The following SGCD variants were observed in gnomAD, a reference collection of about 807,000 sequenced individuals.
The protein encoded by SGCD is delta-sarcoglycan.
Under a neutral mutation model 36.6 loss-of-function variants are expected in SGCD, and 18 were observed. That is an observed-to-expected ratio of 0.49 (90% CI 0.34 to 0.73). SGCD has a LOEUF of 0.73. SGCD is among the 30% of genes least tolerant of loss of function. The probability of loss-of-function intolerance (pLI) is 0.01; values close to 1 mark genes in which losing one functional copy is unlikely to be tolerated. For synonymous variants in SGCD, 133 were observed against 130.6 expected, an observed-to-expected ratio of 1.02 and a Z score of -0.12; for missense variants, 387 against 346.7, an observed-to-expected ratio of 1.12 and a Z score of -0.92.
chr5:155,989,785 T>TGCCA, intron 1 of SGCD, among the ~76,000 whole-genome samples: 1 of 152,222 alleles, frequency 6.6e-6, no homozygotes, highest in Non-Finnish European at 1.5e-5. Flanking sequence ...CAAGACTCAT[T>TGCCA]CATCTGATCA....
intron 3 of SGCD, among the ~76,000 whole-genome samples, chr5:156,183,394 T>C (rs1471735979): frequency 6.6e-6 from 1 of 152,146 alleles, no homozygotes; most frequent in East Asian, 1.9e-4. Context: ...AATAATACAA[T>C]AATAACTATT....
intron 3 of SGCD, among the ~76,000 whole-genome samples, chr5:156,260,765 G>A (rs78171749): frequency 0.014 from 2,122 of 152,138 alleles, 23 homozygotes; most frequent in Non-Finnish European, 0.024. Context: ...CTCTTTTCCT[G>A]AATCTTAAGA....
chr5:156,495,606 G>A (rs1476965304), intron 3 of SGCD, among the ~76,000 whole-genome samples: 1 of 152,134 alleles, frequency 6.6e-6, no homozygotes, highest in African/African-American at 2.4e-5. Flanking sequence ...TATCACTCAG[G>A]CCAGCATCTT....
chr5:156,235,096 TC>T (rs1441468791), intron 3 of SGCD, among the ~76,000 whole-genome samples: 1 of 152,204 alleles, frequency 6.6e-6, no homozygotes, highest in Non-Finnish European at 1.5e-5. Flanking sequence ...ATGTATGCTT[TC>T]CCCCTTCCTT....
intron 3 of SGCD, among the ~76,000 whole-genome samples, chr5:156,198,311 T>C (rs1764067356): frequency 6.6e-6 from 1 of 152,164 alleles, no homozygotes; most frequent in Non-Finnish European, 1.5e-5. Context: ...GTATCGATGA[T>C]TGTTATGTTC....
chr5:156,017,659 A>G (rs1759012839), intron 1 of SGCD, among the ~76,000 whole-genome samples: 1 of 152,136 alleles, frequency 6.6e-6, no homozygotes, highest in African/African-American at 2.4e-5. Context: ...AGAAACATTT[A>G]CTATATTACT....
At chr5:155,970,678 T>A (rs1166193578) in intron 1 of SGCD, among the ~76,000 whole-genome samples, 1 of 152,176 alleles carries the variant, frequency 6.6e-6, no homozygotes, top group African/African-American at 2.4e-5. Flanking sequence ...GATATTAGGA[T>A]GTGACTATGT....
intron 4 of SGCD, among the ~76,000 whole-genome samples, chr5:156,518,362 A>G (rs768202213): frequency 7.9e-5 from 12 of 152,212 alleles, no homozygotes; most frequent in Admixed American, 1.3e-4. Context: ...ACCTACAAAG[A>G]GACTTAGACT....
intron 4 of SGCD, among the ~76,000 whole-genome samples, chr5:156,546,802 C>A (rs1190243430): frequency 6.6e-6 from 1 of 152,078 alleles, no homozygotes; most frequent in African/African-American, 2.4e-5. Flanking sequence ...TGAACCCTGG[C>A]AGCTATCATA....
At chr5:156,065,343 G>C (rs1760313132) in intron 1 of SGCD, among the ~76,000 whole-genome samples, 1 of 109,160 alleles carries the variant, frequency 9.2e-6, no homozygotes, top group African/African-American at 4.5e-5. Flanking sequence ...GCTGAGGAGA[G>C]CTTTACTTCC....
At position 156,250,889 on chromosome 5, in the gene SGCD, C is replaced by G. The variant is rs79922714; in HGVS notation, c.-43-78645C>G. ...GAAAGTAATGGTAATAAAGAGATAACCAAGTATCTTGTTGCTCTTTTAATA... is the reference window on the plus strand; with the variant it reads ...GAAAGTAATGGTAATAAAGAGATAAGCAAGTATCTTGTTGCTCTTTTAATA... On this transcript the variant is annotated intron_variant, in intron 3 of 9. Transcript: ENST00000517913. Among the ~76,000 whole-genome samples, 76 of 151,966 alleles carry G rather than the reference C, an allele frequency of 5.0e-4. No homozygotes were observed. The East Asian group carries it at 0.011, about 23-fold the overall frequency.
At chr5:156,572,828 G>C (rs570919648) in intron 4 of SGCD, among the ~76,000 whole-genome samples, 2 of 152,118 alleles carry the variant, frequency 1.3e-5, no homozygotes, top group African/African-American at 4.8e-5. Flanking sequence ...AGTTAAGTGA[G>C]GAGAGTGGAG....
chr5:156,136,152 G>T (rs1364296172), intron 3 of SGCD, among the ~76,000 whole-genome samples: 1 of 152,044 alleles, frequency 6.6e-6, no homozygotes, highest in Non-Finnish European at 1.5e-5. Flanking sequence ...TTGCTCTGTT[G>T]CCCAGCCTAG....
chr5:156,382,194 G>A (rs2127748492), intron 3 of SGCD, among the ~76,000 whole-genome samples: 1 of 152,114 alleles, frequency 6.6e-6, no homozygotes, highest in Non-Finnish European at 1.5e-5. Context: ...GTGCTCATAG[G>A]TCCCTCTCCA....
At chr5:156,558,125 T>TATATATA (rs56304932) in intron 4 of SGCD, among the ~76,000 whole-genome samples, 1,145 of 107,664 alleles carry the variant, frequency 0.011, 59 homozygotes, top group African/African-American at 0.015. Context: ...ATATATATAT[T>TATATATA]ATTTAACTCT....
rs114923550 is a variant in SGCD, at chr5:156,099,047, A to G, written c.-281-18831A>G. On this transcript the variant is annotated intron_variant, in intron 1 of 9. Coordinates refer to the SGCD transcript ENST00000517913. ...ACCACCTGGGCTGCCTTCCCTCCTCATGCCCCCAAGTTTGGGGTTGTTGGT... is the reference window on the plus strand; with the variant it reads ...ACCACCTGGGCTGCCTTCCCTCCTCGTGCCCCCAAGTTTGGGGTTGTTGGT... Among the ~76,000 whole-genome samples, 817 of 152,288 alleles carry G rather than the reference A, an allele frequency of 5.4e-3. 6 individuals are homozygous for G. The highest frequency in any genetic ancestry group is 0.018 in the African/African-American group (768 of 41,564).
At chr5:156,080,013 C>T (rs892775947) in intron 1 of SGCD, among the ~76,000 whole-genome samples, 1 of 152,250 alleles carries the variant, frequency 6.6e-6, no homozygotes, top group Non-Finnish European at 1.5e-5. Flanking sequence ...GACACCCAGG[C>T]TTTCTGATAC....
chr5:155,971,059 C>T (rs976461438), intron 1 of SGCD, among the ~76,000 whole-genome samples: 1 of 152,104 alleles, frequency 6.6e-6, no homozygotes, highest in Non-Finnish European at 1.5e-5. Flanking sequence ...TTTCATCTGA[C>T]TCATTTATTA....
chr5:156,003,559 C>T (rs933279432), intron 1 of SGCD, among the ~76,000 whole-genome samples: 2 of 152,146 alleles, frequency 1.3e-5, no homozygotes, highest in African/African-American at 2.4e-5. Context: ...AAAGTAGCCT[C>T]GTCCAGTGTT....
Sources: allele counts gnomAD v4.1 joint callset (sites outside exome capture counted in the v4.1 genomes callset), GRCh38; gene constraint gnomAD v4.1.1; transcripts MANE v1.5; gene names NCBI Gene and HGNC (gene_info 2026-07-23, HGNC 2026-07-21).